ZFYVE1: variants seen among roughly 807,000 people sequenced by gnomAD.
The protein encoded by ZFYVE1 is zinc finger FYVE domain-containing protein 1.
ZFYVE1 carries 30 observed loss-of-function variants against 74.4 expected under a neutral mutation model. That is an observed-to-expected ratio of 0.40 (90% CI 0.30 to 0.55). The LOEUF (loss-of-function observed/expected upper bound fraction) is 0.55. Ranked by LOEUF, ZFYVE1 falls within the 20% of genes least tolerant of loss-of-function variation. The pLI is 0.42. For missense variants in ZFYVE1, 703 were observed against 1,011.6 expected (o/e 0.69, Z 4.14); for synonymous variants, 335 against 385.1 (o/e 0.87, Z 1.52).
chr14:72,998,326 A>AAG lies in ZFYVE1; in HGVS notation c.484-12_484-11insCT. 1 of 1,508,700 alleles carries AAG rather than the reference A, an allele frequency of 6.6e-7. No individual in the cohort carries two copies. The highest frequency in any genetic ancestry group is 1.4e-5 in the African/African-American group (1 of 71,644). The allele number at this position is 1,508,700 out of a possible 1,614,324, so 93.5% of individuals were successfully genotyped here. On this transcript the variant is annotated splice_polypyrimidine_tract_variant and intron_variant, in intron 2 of 11. Transcript: ENST00000556143. ...TTCTTCATTTGTTACCTGCAAAAAA[A>AAG]AAAAAAAAGACCATGAAATACAGAA...
At chr14:72,992,902 G>A (rs373077241) in intron 4 of ZFYVE1, among the ~76,000 whole-genome samples, 1 of 152,132 alleles carries the variant, frequency 6.6e-6, no homozygotes, top group African/African-American at 2.4e-5. Context: ...TGAGTGCCTG[G>A]TTTTTCTCCT....
intron 2 of ZFYVE1, among the ~76,000 whole-genome samples, chr14:73,011,343 CG>C (rs1894088117): frequency 6.6e-6 from 1 of 151,590 alleles, no homozygotes; most frequent in African/African-American, 2.4e-5. Flanking sequence ...AAAAATTAAC[CG>C]GGAGTGGTGG....
intron 5 of ZFYVE1, 179 bp from the exon 6 acceptor site, chr14:72,979,148 C>G (rs1051151076): frequency 5.1e-6 from 3 of 589,498 alleles, no homozygotes; most frequent in Admixed American, 5.2e-5. Flanking sequence ...GTTACACTTG[C>G]AATCAACAGC....
At chr14:72,993,110 A>C in intron 4 of ZFYVE1, 33 bp downstream of exon 4, 1 of 1,543,380 alleles carries the variant, frequency 6.5e-7, no homozygotes, top group Non-Finnish European at 8.8e-7. Context: ...CTGGCACCCC[A>C]ATGAGAAGCC....
In ZFYVE1 at chr14:72,987,970, GCTCT is replaced by G. The variant is rs35769422; in HGVS notation, c.1203+5169_1203+5172del. On this transcript the variant is annotated intron_variant, in intron 4 of 11. Coordinates refer to ENST00000556143, the MANE Select transcript of ZFYVE1 (RefSeq NM_021260.4). Reference sequence around the variant, plus strand: ...CACTAGGGCAGAAAACAGCTGCATAGCTCTCTCTCTGTCTCTCTCTCACACACAC... The same window carrying G: ...CACTAGGGCAGAAAACAGCTGCATAGCTCTCTGTCTCTCTCTCACACACAC... Among the ~76,000 whole-genome samples the G allele has an allele frequency of 2.0e-5, 3 of 152,244 alleles. No individual in the cohort carries two copies. The East Asian group carries it at 5.8e-4, about 29-fold the overall frequency.
chr14:73,023,182 A>ATTT (rs1283965471), intron 2 of ZFYVE1, among the ~76,000 whole-genome samples: 2 of 137,082 alleles, frequency 1.5e-5, no homozygotes, highest in Non-Finnish European at 3.1e-5. Flanking sequence ...ATATATATAT[A>ATTT]TATATATATA....
At position 72,975,779 on chromosome 14, in the gene ZFYVE1, A is replaced by G. The variant is rs1893154398; in HGVS notation, c.1636-58T>C. On this transcript the variant is annotated intron_variant, in intron 8 of 11. Transcript: ENST00000556143. This position sits in a 1 kb window ranked among gnomAD's most constrained non-coding sequence, Gnocchi z 4.1. ...TGAGAAGGGAGTGAAAGGAAGGAGGAAGAGGGATGTTTGGTGAGTTGCACA... is the reference window on the plus strand; with the variant it reads ...TGAGAAGGGAGTGAAAGGAAGGAGGGAGAGGGATGTTTGGTGAGTTGCACA... The G allele has an allele frequency of 4.4e-6, 7 of 1,586,290 alleles. No homozygotes were observed. The Admixed American group carries it at 1.2e-4, about 28-fold the overall frequency.
At position 73,024,541 on chromosome 14, in the gene ZFYVE1, T is replaced by C; in HGVS notation, c.-33A>G. The C allele has an allele frequency of 6.5e-7, 1 of 1,547,384 alleles. No individual in the cohort carries two copies. The highest frequency in any genetic ancestry group is 1.4e-5 in the African/African-American group (1 of 72,940). On this transcript the variant is annotated 5_prime_UTR_variant, in exon 2 of 12. Coordinates refer to ENST00000556143, the MANE Select transcript of ZFYVE1 (RefSeq NM_021260.4). ...CTGGTAAGGAAACACACCCACCATA[T>C]AATAGTCACTGAGCTTGCCCCGGGG...
At chr14:72,971,542 G>T (rs1893035910) in intron 11 of ZFYVE1, among the ~76,000 whole-genome samples, 1 of 152,096 alleles carries the variant, frequency 6.6e-6, no homozygotes, top group African/African-American at 2.4e-5. Flanking sequence ...TGTCCGGGCT[G>T]GTCTCGAACT....
chr14:72,974,693 G>C lies in ZFYVE1; in HGVS notation c.1987+86C>G, dbSNP rs577016043. ...CTCTCACAAGGGAGATGTGGATTAG[G>C]GCATCTGGATATCCAGTTCTTAGCA... is the stretch of plus-strand genomic sequence containing the variant. On this transcript the variant is annotated intron_variant, in intron 10 of 11. Transcript: ENST00000556143. The C allele has an allele frequency of 1.5e-5, 22 of 1,480,324 alleles. No homozygotes were observed. The African/African-American group carries it at 2.7e-4, about 18-fold the overall frequency. 91.7% of individuals were successfully genotyped at this position (1,480,324 alleles called of 1,614,324 possible). A position where few individuals can be genotyped will look rare whatever the true frequency, so the allele number is the denominator to read the frequency against.
At chr14:73,020,642 G>A (rs966318919) in intron 2 of ZFYVE1, among the ~76,000 whole-genome samples, 3 of 152,044 alleles carry the variant, frequency 2.0e-5, no homozygotes, top group African/African-American at 4.8e-5. Context: ...GTGAGCCATC[G>A]CGCCCGGTCG....
intron 10 of ZFYVE1, 102 bp from the exon 11 acceptor site, chr14:72,974,295 A>G (rs1893109175): frequency 2.8e-6 from 3 of 1,088,638 alleles, no homozygotes; most frequent in African/African-American, 1.6e-5. Context: ...GATCCCAGAC[A>G]CCACTGTGCT....
chr14:72,971,262 G>A (rs532439698), intron 11 of ZFYVE1, 148 bp from the exon 12 acceptor site: 6 of 760,686 alleles, frequency 7.9e-6, no homozygotes, highest in East Asian at 2.7e-5. Context: ...AGAAGCCCAG[G>A]CTCTGCCACT....
At chr14:72,992,570 T>G (rs910316996) in intron 4 of ZFYVE1, among the ~76,000 whole-genome samples, 4 of 152,072 alleles carry the variant, frequency 2.6e-5, no homozygotes, top group African/African-American at 9.7e-5. Context: ...TTTTTGTGTT[T>G]TGTTTTGGTA....
In ZFYVE1 at chr14:72,997,917, C is replaced by G. The variant is rs1893784278; in HGVS notation, c.882G>C (p.Glu294Asp). The change falls in exon 3 of 12, where the codon GAG becomes GAC. Residue 294 changes from glutamate (E) to aspartate (D), a missense_variant. Physicochemically the swap from Glu to Asp is conservative, Grantham distance 45. Around this residue, in one of 2 missense-constraint regions of ZFYVE1, gnomAD observed 492 missense variants for 790.0 expected, o/e 0.62. Coordinates refer to ENST00000556143, the MANE Select transcript of ZFYVE1 (RefSeq NM_021260.4). ...SEAYLKHFTKELKATTARCGL... is the reference protein window; with the variant it reads ...SEAYLKHFTKDLKATTARCGL... Reference sequence around the variant, plus strand: ...CACAGCGAGCAGTGGTGGCCTTGAGCTCCTTGGTGAAGTGCTTCAGATAAG... The same window carrying G: ...CACAGCGAGCAGTGGTGGCCTTGAGGTCCTTGGTGAAGTGCTTCAGATAAG... The G allele has an allele frequency of 6.2e-7, 1 of 1,614,152 alleles. No homozygotes were observed. Among genetic ancestry groups the G allele is most frequent in the Admixed American group, 1.7e-5 (1 of 60,020 alleles).
intron 4 of ZFYVE1, among the ~76,000 whole-genome samples, chr14:72,982,834 A>C (rs1343210857): frequency 6.6e-6 from 1 of 152,024 alleles, no homozygotes; most frequent in Non-Finnish European, 1.5e-5. Flanking sequence ...TTTTAAACGA[A>C]GAACAATTAG....
intron 4 of ZFYVE1, among the ~76,000 whole-genome samples, chr14:72,988,538 G>A (rs1893536235): frequency 6.6e-6 from 1 of 151,638 alleles, no homozygotes; most frequent in South Asian, 2.1e-4. Flanking sequence ...CTGGCACAGT[G>A]GCTCACACCT....
intron 8 of ZFYVE1, 126 bp downstream of exon 8, chr14:72,977,801 T>G (rs1459789513): frequency 1.3e-5 from 14 of 1,060,480 alleles, no homozygotes; most frequent in Non-Finnish European, 1.8e-5. Flanking sequence ...GATCATGCCT[T>G]TCTAAACCGC....
At chr14:72,993,050 C>T in intron 4 of ZFYVE1, 93 bp downstream of exon 4, 1 of 1,275,022 alleles carries the variant, frequency 7.8e-7, no homozygotes, top group Non-Finnish European at 1.1e-6. Context: ...ACCCAGATTT[C>T]CAATCACCAG....
Sources: gnomAD v4.1 joint callset for allele counts (sites outside exome capture counted in the v4.1 genomes callset) on GRCh38, gnomAD v4.1.1 for gene constraint, gnomAD v4.1.1 regional missense constraint, Gnocchi (gnomAD v3.1) non-coding constraint, MANE v1.5 for transcripts, NCBI Gene and HGNC (gene_info 2026-07-23, HGNC 2026-07-21) for gene names.